Variants in ALMS1 observed in about 807,000 individuals in gnomAD.
ALMS1 encodes the protein ALMS1 centrosome and basal body associated protein.
ALMS1 carries 271 observed loss-of-function variants against 352.2 expected under a neutral mutation model. The ratio of observed to expected loss-of-function variants is 0.77; its 90% CI spans 0.70 to 0.85. The LOEUF is 0.85. ALMS1 is among the 40% of genes least tolerant of loss of function. The pLI, the probability that ALMS1 is intolerant of heterozygous loss-of-function variation, is 0.00. For missense variants in ALMS1, 5,445 were observed against 4,870.7 expected (o/e 1.12, Z -3.51); for synonymous variants, 1,865 against 1,761.2 (o/e 1.06, Z -1.48).
At position 73,411,079 on chromosome 2, in the gene ALMS1, C is replaced by G. The variant is rs569172204; in HGVS notation, c.450+2332C>G. Among the ~76,000 whole-genome samples the G allele has an allele frequency of 2.5e-4, 38 of 152,094 alleles. 1 individual carries two copies. In the South Asian group the frequency reaches 7.7e-3, roughly 31 times the overall value. ...ATGTTGCAGTCCTAATCCCCAATAC[C>G]TCAGAATGTGACCTTATTGGTGATT... On this transcript the variant is annotated intron_variant, in intron 2 of 22. Transcript: ENST00000613296.
At chr2:73,421,935 A>G (rs1342925439) in intron 3 of ALMS1, among the ~76,000 whole-genome samples, 2 of 152,182 alleles carry the variant, frequency 1.3e-5, no homozygotes, top group African/African-American at 4.8e-5. Context: ...TTAAGTCAAC[A>G]TTCAGGAAAT....
In ALMS1 at chr2:73,453,009, T is replaced by A. The variant is rs1192168909; in HGVS notation, c.6482T>A (p.Leu2161Gln). ...FYQKDLPDRH[L>Q]TEDALKISSA... ...CAAAAGGATTTGCCAGATAGACATC[T>A]AACTGAAGATGCTCTAAAGATCTCA... The change falls in exon 8 of 23, where the codon CTA becomes CAA. Residue 2161 changes from leucine to glutamine, a missense_variant. By Grantham distance (113) the Leu-to-Gln change is moderately radical (BLOSUM62 -2). Transcript: ENST00000613296. The A allele has an allele frequency of 8.1e-6, 13 of 1,613,082 alleles. No individual in the cohort carries two copies. The highest frequency in any genetic ancestry group is 1.1e-5 in the Non-Finnish European group (13 of 1,179,704).
intron 21 of ALMS1, 24 bp from the exon 22 acceptor site, chr2:73,608,451 C>A: frequency 6.3e-7 from 1 of 1,593,044 alleles, no homozygotes; most frequent in South Asian, 1.1e-5. Flanking sequence ...CGATTTCTGT[C>A]CTTTCACTGG....
intron 13 of ALMS1, among the ~76,000 whole-genome samples, chr2:73,553,839 A>C (rs1383049677): frequency 6.6e-6 from 1 of 152,188 alleles, no homozygotes; most frequent in Non-Finnish European, 1.5e-5. Context: ...CTTAGTATAT[A>C]GTATAAGAAT....
At chr2:73,505,748 TTACTC>T (rs777092744) in intron 10 of ALMS1, among the ~76,000 whole-genome samples, 3 of 152,202 alleles carry the variant, frequency 2.0e-5, no homozygotes, top group African/African-American at 2.4e-5. Flanking sequence ...GGTTGCCTGT[TTACTC>T]TAATGATAGT....
chr2:73,438,670 G>C (rs1320477878), intron 7 of ALMS1, among the ~76,000 whole-genome samples: 4 of 152,180 alleles, frequency 2.6e-5, no homozygotes, highest in Non-Finnish European at 5.9e-5. Flanking sequence ...CATGGGTAGA[G>C]AGAAAAGCAA....
Position 73,410,871 on chromosome 2 carries a change from T to C in ALMS1, c.450+2124T>C, listed in dbSNP as rs545433190. On this transcript the variant is annotated intron_variant, in intron 2 of 22. Transcript: ENST00000613296. ...AATAACTTGAGTATCAGATTTCTCC[T>C]ATTACCTTCAGTTTTCTTTAAATTG... 3.3e-5 allele frequency among the ~76,000 whole-genome samples: 5 copies of C among 152,252 alleles called. No homozygotes were observed. In the South Asian group the frequency reaches 1.0e-3, roughly 32 times the overall value.
rs540032765 is a variant in ALMS1 at position 73,565,345 on chromosome 2, G to C, written c.10384+6203G>C. ...GGGACCAAGTAAAAAACTTCCCAGT[G>C]GCTAAAGCTGGGACAGTTTCTGTAG... On this transcript the variant is annotated intron_variant, in intron 15 of 22. Transcript: ENST00000613296. 2.0e-5 allele frequency among the ~76,000 whole-genome samples: 3 copies of C among 152,288 alleles called. No individual in the cohort carries two copies. The South Asian group carries it at 6.2e-4, about 32-fold the overall frequency.
intron 9 of ALMS1, among the ~76,000 whole-genome samples, chr2:73,483,168 G>C (rs1318426417): frequency 2.1e-5 from 3 of 144,510 alleles, no homozygotes; most frequent in African/African-American, 5.1e-5. Context: ...TGATGTTAGG[G>C]TGTCAATTTT....
intron 12 of ALMS1, among the ~76,000 whole-genome samples, chr2:73,546,448 G>C (rs1674321692): frequency 6.6e-6 from 1 of 152,172 alleles, no homozygotes; most frequent in Admixed American, 6.5e-5. Context: ...GTTCCACGCA[G>C]ATACACTGTG....
chr2:73,569,961 T>C (rs1305792172), intron 15 of ALMS1, among the ~76,000 whole-genome samples: 1 of 152,230 alleles, frequency 6.6e-6, no homozygotes, highest in Non-Finnish European at 1.5e-5. Context: ...AAGACTACTT[T>C]GACCACTATT....
At chr2:73,433,063 A>T (rs1366268069) in intron 7 of ALMS1, among the ~76,000 whole-genome samples, 1 of 152,222 alleles carries the variant, frequency 6.6e-6, no homozygotes, top group African/African-American at 2.4e-5. Context: ...GGTTAGAGGC[A>T]TTGAGGAGAG....
chr2:73,599,727 T>C (rs559492675), intron 17 of ALMS1, among the ~76,000 whole-genome samples: 79 of 151,992 alleles, frequency 5.2e-4, no homozygotes, highest in Non-Finnish European at 5.3e-4. Context: ...CTTGTATATT[T>C]CAGTGGGAGT....
At chr2:73,510,315 C>T (rs1156753676) in intron 10 of ALMS1, among the ~76,000 whole-genome samples, 1 of 152,134 alleles carries the variant, frequency 6.6e-6, no homozygotes, top group African/African-American at 2.4e-5. Context: ...AATTTTCAGC[C>T]TTTTTGCACT....
At chr2:73,436,607 C>T (rs1286172999) in intron 7 of ALMS1, among the ~76,000 whole-genome samples, 1 of 152,120 alleles carries the variant, frequency 6.6e-6, no homozygotes, top group Non-Finnish European at 1.5e-5. Context: ...TGCATAGTCT[C>T]TATTCATTTA....
intron 10 of ALMS1, among the ~76,000 whole-genome samples, chr2:73,491,942 G>C (rs1672998927): frequency 1.3e-5 from 2 of 151,990 alleles, no homozygotes; most frequent in Admixed American, 1.3e-4. Context: ...CAAATATTTA[G>C]TATTTACAAA....
At chr2:73,575,311 T>C (rs1024768511) in intron 16 of ALMS1, among the ~76,000 whole-genome samples, 2 of 152,184 alleles carry the variant, frequency 1.3e-5, no homozygotes, top group African/African-American at 4.8e-5. Context: ...TGGATTAGCT[T>C]ATTGAGGAAC....
intron 22 of ALMS1, among the ~76,000 whole-genome samples, 182 bp from the exon 23 acceptor site, chr2:73,609,386 C>T (rs1271956674): frequency 6.6e-6 from 1 of 152,232 alleles, no homozygotes; most frequent in East Asian, 1.9e-4. Context: ...GATCCTCTTT[C>T]CTGAACCTTT....
rs1558712349 is a variant in ALMS1 at position 73,602,218 on chromosome 2, T to TC, written c.12151dup (p.Arg4051ProfsTer33). ...TCAGTTTCACAGACCTGACTTCATCTCCCGCTCTGGGGAGCGGATAAAGCG... is the reference window on the plus strand; with the variant it reads ...TCAGTTTCACAGACCTGACTTCATCTCCCCGCTCTGGGGAGCGGATAAAGCG... On this transcript the variant is annotated frameshift_variant, in exon 20 of 23. Transcript: ENST00000613296. LOFTEE classifies it high-confidence loss of function. 5.0e-6 allele frequency: 8 copies of TC among 1,614,112 alleles called. No individual in the cohort carries two copies. Among genetic ancestry groups the TC allele is most frequent in the Non-Finnish European group, 5.1e-6 (6 of 1,179,974 alleles).
Sources: gnomAD v4.1 joint callset for allele counts (sites outside exome capture counted in the v4.1 genomes callset) on GRCh38, gnomAD v4.1.1 for gene constraint, MANE v1.5 for transcripts, NCBI Gene and HGNC (gene_info 2026-07-23, HGNC 2026-07-21) for gene names.